SCAPER: variants seen among roughly 807,000 people sequenced by gnomAD.
SCAPER encodes S-phase cyclin A associated protein in the ER.
In SCAPER, 98 loss-of-function variants were observed where a neutral mutation model predicts 182.2. The observed-to-expected ratio is 0.54, with a 90% CI of 0.46 to 0.64. The LOEUF is 0.64. Among genes scored for constraint, SCAPER ranks in the 30% least tolerant of loss-of-function variants. The pLI is 0.00. For missense variants in SCAPER, 1,432 were observed against 1,690.0 expected, an observed-to-expected ratio of 0.85 and a Z score of 2.68; for synonymous variants, 605 against 564.6, an observed-to-expected ratio of 1.07 and a Z score of -1.01.
At chr15:76,722,355 C>T (rs1018075764) in intron 17 of SCAPER, among the ~76,000 whole-genome samples, 15 of 152,146 alleles carry the variant, frequency 9.9e-5, no homozygotes, top group African/African-American at 3.1e-4. Context: ...ATTTTTGCAT[C>T]AATGTTCATC....
chr15:76,424,732 G>A (rs147525045), intron 26 of SCAPER, among the ~76,000 whole-genome samples: 1 of 152,116 alleles, frequency 6.6e-6, no homozygotes, highest in African/African-American at 2.4e-5. Context: ...TTACAATTTG[G>A]CATGTTTTTG....
In SCAPER at chr15:76,524,467, A is replaced by G. The variant is rs181561759; in HGVS notation, c.2839-19493T>C. On this transcript the variant is annotated intron_variant, in intron 23 of 31. Coordinates refer to ENST00000563290, the MANE Select transcript of SCAPER (RefSeq NM_020843.4). ...TTTTCATTTAAATTACTAGACATTTATGGATGATTCCATTAGAAACAAGAT... is the reference window on the plus strand; with the variant it reads ...TTTTCATTTAAATTACTAGACATTTGTGGATGATTCCATTAGAAACAAGAT... Among the ~76,000 whole-genome samples, 424 of 152,286 alleles carry G rather than the reference A, an allele frequency of 2.8e-3. 2 individuals carry two copies. Among genetic ancestry groups the G allele is most frequent in the African/African-American group, 9.0e-3 (374 of 41,586 alleles).
intron 20 of SCAPER, among the ~76,000 whole-genome samples, chr15:76,694,024 G>A (rs1424643292): frequency 1.3e-5 from 2 of 151,638 alleles, no homozygotes; most frequent in South Asian, 2.1e-4. Flanking sequence ...ATCAGGAAGT[G>A]TAATGCCTCC....
chr15:76,616,430 A>G (rs1165445166), intron 22 of SCAPER, among the ~76,000 whole-genome samples: 1 of 152,140 alleles, frequency 6.6e-6, no homozygotes, highest in African/African-American at 2.4e-5. Flanking sequence ...CAAAATCATA[A>G]TAATAGAAAG....
chr15:76,449,637 T>C (rs1051518613), intron 25 of SCAPER, among the ~76,000 whole-genome samples: 3 of 152,322 alleles, frequency 2.0e-5, no homozygotes, highest in South Asian at 2.1e-4. Context: ...GGTTGCTTAA[T>C]TGGCCCTTAT....
rs561614548 is a variant in SCAPER at position 76,754,701 on chromosome 15, A to G, written c.1726-753T>C. On this transcript the variant is annotated intron_variant, in intron 14 of 31. Coordinates refer to ENST00000563290, the MANE Select transcript of SCAPER (RefSeq NM_020843.4). ...TGAGTGGAAAAAACCTAACATTTTA[A>G]TTGTTTTTTTCTCTCAATAATTGTG... Among the ~76,000 whole-genome samples, 11 of 6,404 alleles carry G rather than the reference A, an allele frequency of 1.7e-3. No individual in the cohort carries two copies. The East Asian group carries it at 0.31, about 182-fold the overall frequency. The allele number at this position is 6,404 out of a possible 152,430, so 4.2% of individuals were successfully genotyped here. A position where few individuals can be genotyped will look rare whatever the true frequency, so the allele number is the denominator to read the frequency against.
chr15:76,744,719 T>G (rs1168862188), intron 15 of SCAPER, among the ~76,000 whole-genome samples: 1 of 152,222 alleles, frequency 6.6e-6, no homozygotes, highest in Non-Finnish European at 1.5e-5. Flanking sequence ...TGGAACGCAG[T>G]GTGGCAATTT....
intron 14 of SCAPER, among the ~76,000 whole-genome samples, chr15:76,756,729 T>C (rs191403809): frequency 2.1e-4 from 32 of 152,346 alleles, no homozygotes; most frequent in Admixed American, 1.8e-3. Context: ...TAAGAGTGAC[T>C]GTATATTAAA....
chr15:76,641,568 C>T (rs1171917609), intron 21 of SCAPER, among the ~76,000 whole-genome samples: 1 of 152,126 alleles, frequency 6.6e-6, no homozygotes, highest in Non-Finnish European at 1.5e-5. Flanking sequence ...GCATTGCGGG[C>T]TGCTGGCCAG....
intron 4 of SCAPER, among the ~76,000 whole-genome samples, chr15:76,854,865 G>A (rs2151848574): frequency 6.6e-6 from 1 of 151,424 alleles, no homozygotes; most frequent in Non-Finnish European, 1.5e-5. Context: ...CCAGCTACTT[G>A]GGAGGCTGAG....
intron 4 of SCAPER, among the ~76,000 whole-genome samples, chr15:76,844,699 G>A (rs1399430514): frequency 1.3e-5 from 2 of 151,984 alleles, no homozygotes; most frequent in African/African-American, 2.4e-5. Context: ...CCAATAACAA[G>A]TAACAAGATC....
chr15:76,666,892 T>C (rs750664477), intron 20 of SCAPER, among the ~76,000 whole-genome samples: 3 of 152,214 alleles, frequency 2.0e-5, no homozygotes, highest in African/African-American at 4.8e-5. Context: ...CACCTGTTCC[T>C]ATCTAAGAGC....
intron 23 of SCAPER, among the ~76,000 whole-genome samples, chr15:76,508,018 T>C (rs943314913): frequency 6.6e-6 from 1 of 152,172 alleles, no homozygotes; most frequent in African/African-American, 2.4e-5. Context: ...GTGTTACAAC[T>C]CCAAAATTAA....
chr15:76,584,635 A>G (rs561724684), intron 22 of SCAPER, among the ~76,000 whole-genome samples: 10 of 152,362 alleles, frequency 6.6e-5, no homozygotes, highest in Middle Eastern at 3.4e-3. Flanking sequence ...GGTAAAATGT[A>G]CTATGGAACT....
At chr15:76,462,957 A>G (rs1041343417) in intron 25 of SCAPER, among the ~76,000 whole-genome samples, 3 of 152,098 alleles carry the variant, frequency 2.0e-5, no homozygotes, top group African/African-American at 7.2e-5. Flanking sequence ...CAAGTATCCA[A>G]CCCCACATAT....
chr15:76,664,631 T>C (rs12595528), intron 21 of SCAPER, among the ~76,000 whole-genome samples: 1 of 152,030 alleles, frequency 6.6e-6, no homozygotes, highest in Non-Finnish European at 1.5e-5. Context: ...ACATTAAAAA[T>C]AGACAGGTTC....
At chr15:76,696,117 T>C (rs2058645229) in intron 20 of SCAPER, among the ~76,000 whole-genome samples, 1 of 152,164 alleles carries the variant, frequency 6.6e-6, no homozygotes, top group Non-Finnish European at 1.5e-5. Flanking sequence ...GCAAGCAAGG[T>C]AAGGAAATAA....
At chr15:76,711,576 G>C (rs2059567293) in intron 17 of SCAPER, among the ~76,000 whole-genome samples, 1 of 152,164 alleles carries the variant, frequency 6.6e-6, no homozygotes, top group South Asian at 2.1e-4. Flanking sequence ...GCTGCTGATG[G>C]CTATGTAAAA....
intron 21 of SCAPER, among the ~76,000 whole-genome samples, chr15:76,652,527 A>G (rs1161429872): frequency 6.1e-5 from 7 of 115,182 alleles, no homozygotes; most frequent in Non-Finnish European, 9.0e-5. Flanking sequence ...ATACACACAC[A>G]CACACACACA....
Sources: allele counts gnomAD v4.1 joint callset (sites outside exome capture counted in the v4.1 genomes callset), GRCh38; gene constraint gnomAD v4.1.1; transcripts MANE v1.5; gene names NCBI Gene and HGNC (gene_info 2026-07-23, HGNC 2026-07-21).